Variants in B3GAT2 observed in about 807,000 individuals in gnomAD.
B3GAT2 encodes the protein galactosylgalactosylxylosylprotein 3-beta-glucuronosyltransferase 2.
Under a neutral mutation model 27.8 loss-of-function variants are expected in B3GAT2, and 26 were observed. The ratio of observed to expected loss-of-function variants is 0.93; its 90% CI spans 0.68 to 1.30. The LOEUF (loss-of-function observed/expected upper bound fraction) is 1.30, where lower values mean the gene tolerates loss of function less well. B3GAT2 is among the 50% of genes most tolerant of loss of function. B3GAT2 has a pLI of 0.00. For synonymous variants in B3GAT2, 218 were observed against 195.1 expected (o/e 1.12, Z -0.98); for missense variants, 458 against 459.0 (o/e 1.00, Z 0.02).
intron 1 of B3GAT2, among the ~76,000 whole-genome samples, chr6:70,925,641 G>C (rs541594472): frequency 6.6e-6 from 1 of 151,804 alleles, no homozygotes; most frequent in Non-Finnish European, 1.5e-5. Context: ...TAAACGAAGC[G>C]GCCAGAAAGC....
intron 2 of B3GAT2, among the ~76,000 whole-genome samples, chr6:70,877,551 G>A (rs1228078724): frequency 6.6e-6 from 1 of 152,002 alleles, no homozygotes; most frequent in Admixed American, 6.6e-5. Context: ...CCTTCAAAGG[G>A]GCTTCTAACA....
intron 2 of B3GAT2, among the ~76,000 whole-genome samples, chr6:70,869,249 G>A (rs1047372044): frequency 5.3e-5 from 8 of 152,054 alleles, no homozygotes; most frequent in East Asian, 1.9e-4. Flanking sequence ...TCCTGGGCTC[G>A]AGGGATGCTC....
rs1006179304 is a variant in B3GAT2, at chr6:70,858,040, G to A, written c.*3623C>T. On this transcript the variant is annotated 3_prime_UTR_variant, in exon 4 of 4. Coordinates refer to ENST00000230053, the MANE Select transcript of B3GAT2 (RefSeq NM_080742.3). The stretch of plus-strand genomic sequence containing the variant: ...CTCCTGGCCTTATAGGAAATGTGAT[G>A]GGACAGAGTCCAAGCATGATGGTGG... The A allele has an allele frequency of 4.3e-6, 7 of 1,613,970 alleles. No homozygotes were observed. Among genetic ancestry groups the A allele is most frequent in the African/African-American group, 2.7e-5 (2 of 74,892 alleles).
intron 1 of B3GAT2, among the ~76,000 whole-genome samples, chr6:70,906,078 A>T (rs1772596892): frequency 6.6e-6 from 1 of 152,156 alleles, no homozygotes; most frequent in Non-Finnish European, 1.5e-5. Context: ...CCTCTGCTCT[A>T]GTTTACTTAA....
intron 1 of B3GAT2, among the ~76,000 whole-genome samples, chr6:70,941,302 T>G (rs995458168): frequency 3.3e-5 from 5 of 152,132 alleles, no homozygotes; most frequent in Non-Finnish European, 7.4e-5. Context: ...TCACCCATAG[T>G]GGAAAGAACA....
chr6:70,906,898 T>C (rs762320921), intron 1 of B3GAT2, among the ~76,000 whole-genome samples: 1 of 151,996 alleles, frequency 6.6e-6, no homozygotes, highest in Non-Finnish European at 1.5e-5. Flanking sequence ...GAAAAATCAA[T>C]GACAATCCTA....
rs1038898049 is a variant in B3GAT2 at position 70,856,993 on chromosome 6, G to A, written c.*4670C>T. On this transcript the variant is annotated 3_prime_UTR_variant, in exon 4 of 4. Transcript: ENST00000230053. ...TTTCCAAAGACTCCATCTTATCTCT[G>A]TATGGCACAGGAACCATTCAACAGC... 2 of 1,613,830 alleles carry A rather than the reference G, an allele frequency of 1.2e-6. No homozygotes were observed. Among genetic ancestry groups the A allele is most frequent in the Non-Finnish European group, 1.7e-6 (2 of 1,179,818 alleles).
intron 1 of B3GAT2, among the ~76,000 whole-genome samples, chr6:70,939,080 G>T (rs945648019): frequency 7.2e-5 from 11 of 152,060 alleles, no homozygotes; most frequent in African/African-American, 2.4e-4. Flanking sequence ...CCATCAACAA[G>T]TGGGCGAAGG....
At chr6:70,942,884 C>T (rs1227055703) in intron 1 of B3GAT2, among the ~76,000 whole-genome samples, 1 of 152,110 alleles carries the variant, frequency 6.6e-6, no homozygotes, top group African/African-American at 2.4e-5. Flanking sequence ...ACTGAAATCT[C>T]AGTTAATGGA....
At chr6:70,944,214 A>C (rs972237801) in intron 1 of B3GAT2, among the ~76,000 whole-genome samples, 1 of 150,218 alleles carries the variant, frequency 6.7e-6, no homozygotes, top group Admixed American at 6.6e-5. Context: ...GGAGTGCCAG[A>C]CAGTGGGCGC....
Position 70,860,567 on chromosome 6 carries a change from A to C in B3GAT2, c.*1096T>G, listed in dbSNP as rs1771674865. 2.2e-6 allele frequency: 1 copy of C among 448,342 alleles called. No homozygotes were observed. Among genetic ancestry groups the C allele is most frequent in the Admixed American group, 4.0e-5 (1 of 24,840 alleles). The allele number at this position is 448,342 out of a possible 1,614,324, so 27.8% of individuals were successfully genotyped here. A position where few individuals can be genotyped will look rare whatever the true frequency, so the allele number is the denominator to read the frequency against. On this transcript the variant is annotated 3_prime_UTR_variant, in exon 4 of 4. Transcript: ENST00000230053. ...CTTTGCTCATATTTCCCATGATTTC[A>C]TGTACTGCATTATTTGAGAAGCTGC...
Position 70,956,839 on chromosome 6 carries a change from G to C in B3GAT2, c.-410C>G. ...CGCCGCTCCAGTCCGGCGGTGCTGCGGGCACAAGGGCTCCAGCCGCGGGCC... is the reference window on the plus strand; with the variant it reads ...CGCCGCTCCAGTCCGGCGGTGCTGCCGGCACAAGGGCTCCAGCCGCGGGCC... On this transcript the variant is annotated 5_prime_UTR_variant, in exon 1 of 4. Transcript: ENST00000230053. 3 of 1,056,872 alleles carry C rather than the reference G, an allele frequency of 2.8e-6. No homozygotes were observed. The highest frequency in any genetic ancestry group is 3.4e-6 in the Non-Finnish European group (3 of 875,382). 65.5% of individuals were successfully genotyped at this position (1,056,872 alleles called of 1,614,324 possible). A position where few individuals can be genotyped will look rare whatever the true frequency, so the allele number is the denominator to read the frequency against.
intron 1 of B3GAT2, among the ~76,000 whole-genome samples, chr6:70,911,183 C>T (rs1028309757): frequency 6.6e-6 from 1 of 151,908 alleles, no homozygotes; most frequent in Non-Finnish European, 1.5e-5. Context: ...TCCCACTTGC[C>T]GTTTTTTTGT....
rs1765299844 is a variant in B3GAT2 at position 70,937,220 on chromosome 6, A to G, written c.591+18619T>C. On this transcript the variant is annotated intron_variant, in intron 1 of 3. Coordinates refer to ENST00000230053, the MANE Select transcript of B3GAT2 (RefSeq NM_080742.3). ...AAACCAGGAAGAAGTTGAATCTCTGAATAGACCAATAACAGGCTCTGAAAT... is the reference window on the plus strand; with the variant it reads ...AAACCAGGAAGAAGTTGAATCTCTGGATAGACCAATAACAGGCTCTGAAAT... Among the ~76,000 whole-genome samples the G allele has an allele frequency of 2.0e-5, 3 of 152,002 alleles. No individual in the cohort carries two copies. The South Asian group carries it at 6.2e-4, about 32-fold the overall frequency.
intron 1 of B3GAT2, among the ~76,000 whole-genome samples, chr6:70,924,586 C>G (rs1041701131): frequency 1.3e-5 from 2 of 152,036 alleles, no homozygotes; most frequent in African/African-American, 2.4e-5. Flanking sequence ...AATAGAGAGC[C>G]CAGAAATAAA....
intron 1 of B3GAT2, among the ~76,000 whole-genome samples, chr6:70,937,238 T>G (rs1306202361): frequency 5.3e-5 from 8 of 151,618 alleles, no homozygotes; most frequent in African/African-American, 1.2e-4. Context: ...AATAACAGGC[T>G]CTGAAATTGT....
chr6:70,882,276 C>T (rs570299436), intron 2 of B3GAT2, among the ~76,000 whole-genome samples: 6 of 152,084 alleles, frequency 3.9e-5, no homozygotes, highest in Admixed American at 3.9e-4. Context: ...TTAAGGCGGG[C>T]AGATCACGAG....
At chr6:70,938,910 A>C (rs1765340720) in intron 1 of B3GAT2, among the ~76,000 whole-genome samples, 1 of 151,762 alleles carries the variant, frequency 6.6e-6, no homozygotes, top group African/African-American at 2.4e-5. Flanking sequence ...GGATCTAATT[A>C]AACTAAAGAG....
intron 1 of B3GAT2, among the ~76,000 whole-genome samples, chr6:70,936,295 A>G (rs1272673195): frequency 6.6e-6 from 1 of 152,042 alleles, no homozygotes; most frequent in Non-Finnish European, 1.5e-5. Flanking sequence ...CTCCCAAACA[A>G]TAATAATGGG....
Sources: allele counts gnomAD v4.1 joint callset (sites outside exome capture counted in the v4.1 genomes callset), GRCh38; gene constraint gnomAD v4.1.1; transcripts MANE v1.5; gene names NCBI Gene and HGNC (gene_info 2026-07-23, HGNC 2026-07-21).